The following MEMO1 variants were observed in gnomAD, a reference collection of about 807,000 sequenced individuals.
MEMO1 encodes protein MEMO1.
In MEMO1, 6 loss-of-function variants were observed where a neutral mutation model predicts 45.2. That is an observed-to-expected ratio of 0.13 (90% confidence interval 0.07 to 0.26). The LOEUF (loss-of-function observed/expected upper bound fraction) is 0.26. Among genes scored for constraint, MEMO1 ranks in the 10% least tolerant of loss-of-function variants. The pLI is 1.00. For missense variants in MEMO1, 184 were observed against 370.5 expected (o/e 0.50, Z 4.13); for synonymous variants, 78 against 124.3 (o/e 0.63, Z 2.48).
intron 4 of MEMO1, among the ~76,000 whole-genome samples, chr2:31,923,271 TTTGA>T: frequency 6.6e-6 from 1 of 152,176 alleles, no homozygotes; most frequent in African/African-American, 2.4e-5. Flanking sequence ...TGTATCTTCT[TTTGA>T]AAAGTGTCTG....
chr2:31,952,238 T>C (rs1666923082), intron 2 of MEMO1, among the ~76,000 whole-genome samples: 1 of 152,236 alleles, frequency 6.6e-6, no homozygotes, highest in Non-Finnish European at 1.5e-5. Flanking sequence ...CCTTACTATC[T>C]ACTAATTTAT....
At chr2:31,965,606 T>C (rs1430155633) in intron 2 of MEMO1, among the ~76,000 whole-genome samples, 1 of 152,118 alleles carries the variant, frequency 6.6e-6, no homozygotes, top group Non-Finnish European at 1.5e-5. Flanking sequence ...CAAAACTCTT[T>C]TAAGTTTCAG....
chr2:31,947,727 G>A (rs1558525308), intron 2 of MEMO1, among the ~76,000 whole-genome samples: 1 of 152,124 alleles, frequency 6.6e-6, no homozygotes, highest in Non-Finnish European at 1.5e-5. Flanking sequence ...AGGAAATACA[G>A]TAACACTTCT....
At chr2:32,009,877 T>C (rs13012667) in intron 2 of MEMO1, among the ~76,000 whole-genome samples, 7,578 of 151,754 alleles carry the variant, frequency 0.05, 232 homozygotes, top group Middle Eastern at 0.13. Flanking sequence ...CGGGAGCACG[T>C]TCCTTCCTCG....
intron 2 of MEMO1, among the ~76,000 whole-genome samples, chr2:31,944,918 ATAAAT>A (rs1423410747): frequency 6.6e-6 from 1 of 152,182 alleles, no homozygotes; most frequent in East Asian, 1.9e-4. Flanking sequence ...CACTGCCTAA[ATAAAT>A]TAAATCTTAA....
At chr2:31,940,713 T>C (rs1665511101) in intron 3 of MEMO1, among the ~76,000 whole-genome samples, 1 of 152,130 alleles carries the variant, frequency 6.6e-6, no homozygotes, top group Non-Finnish European at 1.5e-5. Context: ...AGCTAATTTT[T>C]GTAGAGATGG....
At chr2:31,912,613 GA>G (rs1393235874) in intron 6 of MEMO1, among the ~76,000 whole-genome samples, 21 of 147,090 alleles carry the variant, frequency 1.4e-4, no homozygotes, top group Admixed American at 6.8e-4. Flanking sequence ...GTAATCATAA[GA>G]AAAAAACTTT....
chr2:31,956,124 T>C (rs1160023343), intron 2 of MEMO1, among the ~76,000 whole-genome samples: 1 of 152,188 alleles, frequency 6.6e-6, no homozygotes, highest in Admixed American at 6.5e-5. Flanking sequence ...TAAACAGAAA[T>C]GATTATTTCC....
At chr2:31,963,206 C>T in intron 2 of MEMO1, 1 of 1,547,608 alleles carries the variant, frequency 6.5e-7, no homozygotes, top group Non-Finnish European at 8.7e-7. Context: ...TTGCTGACTG[C>T]ACATCTTGGC....
intron 8 of MEMO1, among the ~76,000 whole-genome samples, chr2:31,873,971 A>T (rs537412995): frequency 8.5e-5 from 13 of 152,268 alleles, no homozygotes; most frequent in African/African-American, 3.1e-4. Flanking sequence ...TAGGTTCAAG[A>T]GAAAGAAGTA....
intron 2 of MEMO1, among the ~76,000 whole-genome samples, chr2:31,956,137 CCAAAT>C (rs1288023501): frequency 8.5e-5 from 13 of 152,268 alleles, no homozygotes; most frequent in African/African-American, 2.9e-4. Flanking sequence ...TTATTTCCTT[CCAAAT>C]TCAGCTAGCA....
chr2:31,887,102 T>C (rs1676293517), intron 7 of MEMO1, among the ~76,000 whole-genome samples: 1 of 152,138 alleles, frequency 6.6e-6, no homozygotes, highest in Non-Finnish European at 1.5e-5. Flanking sequence ...GAAAAAGAAA[T>C]ACAGGTAAGT....
intron 2 of MEMO1, among the ~76,000 whole-genome samples, chr2:31,994,722 C>T (rs1035879509): frequency 3.9e-5 from 6 of 151,914 alleles, no homozygotes; most frequent in South Asian, 2.1e-4. Flanking sequence ...CCAAGGCAGG[C>T]GGATCACTTG....
chr2:31,892,738 G>A (rs1008025047), intron 6 of MEMO1, among the ~76,000 whole-genome samples: 1 of 152,080 alleles, frequency 6.6e-6, no homozygotes, highest in Non-Finnish European at 1.5e-5. Flanking sequence ...AATAGACAAA[G>A]AATTAAAGGA....
chr2:31,963,950 GAT>G (rs1291533601), intron 2 of MEMO1, among the ~76,000 whole-genome samples: 6 of 152,108 alleles, frequency 3.9e-5, no homozygotes, highest in African/African-American at 1.4e-4. Flanking sequence ...TAATTTCATT[GAT>G]TATATGTTGA....
chr2:31,949,743 T>C (rs1425015684), intron 2 of MEMO1, among the ~76,000 whole-genome samples: 2 of 150,428 alleles, frequency 1.3e-5, no homozygotes, highest in Non-Finnish European at 3.0e-5. Flanking sequence ...CATTTTAAAA[T>C]AATTTAGAGT....
At chr2:31,895,901 G>C (rs1677718802) in intron 6 of MEMO1, among the ~76,000 whole-genome samples, 1 of 139,670 alleles carries the variant, frequency 7.2e-6, no homozygotes, top group Non-Finnish European at 1.5e-5. Context: ...GGAGTGCAGT[G>C]GCGAGATCTC....
intron 2 of MEMO1, among the ~76,000 whole-genome samples, chr2:31,978,643 T>C (rs955994529): frequency 1.1e-4 from 17 of 152,206 alleles, no homozygotes; most frequent in Admixed American, 8.5e-4. Context: ...GTGTTGCCCA[T>C]ACCCGGCCTC....
intron 4 of MEMO1, among the ~76,000 whole-genome samples, chr2:31,931,753 G>T (rs1212509215): frequency 1.3e-5 from 2 of 152,106 alleles, no homozygotes; most frequent in Non-Finnish European, 2.9e-5. Context: ...AAACAGATCA[G>T]AGGGCTTTGC....
Sources: gnomAD v4.1 joint callset for allele counts (sites outside exome capture counted in the v4.1 genomes callset) on GRCh38, gnomAD v4.1.1 for gene constraint, MANE v1.5 for transcripts, NCBI Gene and HGNC (gene_info 2026-07-23, HGNC 2026-07-21) for gene names.